Variants in MRPL42 observed in about 807,000 individuals in gnomAD.
MRPL42 encodes the protein mitochondrial ribosomal protein L42, also known as large ribosomal subunit protein mL42.
A neutral mutation model predicts 17.9 loss-of-function variants in MRPL42; 17 were observed. The ratio of observed to expected loss-of-function variants is 0.95; its 90% CI spans 0.65 to 1.42. The LOEUF is 1.42. Ranked by LOEUF, MRPL42 falls within the 40% of genes most tolerant of loss-of-function variation. MRPL42 has a pLI of 0.00. For missense variants in MRPL42, 177 were observed against 175.2 expected, an observed-to-expected ratio of 1.01 and a Z score of -0.06; for synonymous variants, 59 against 54.4, an observed-to-expected ratio of 1.08 and a Z score of -0.37.
intron 5 of MRPL42, among the ~76,000 whole-genome samples, chr12:93,492,269 T>G (rs1953429739): frequency 6.6e-6 from 1 of 152,212 alleles, no homozygotes. Flanking sequence ...CTTTGCAGCC[T>G]TGCCAACATT....
rs1470030100 is a variant in MRPL42 at position 93,479,548 on chromosome 12, G to T, written c.219+76G>T. On this transcript the variant is annotated intron_variant, in intron 4 of 5. Coordinates refer to ENST00000549982, the MANE Select transcript of MRPL42 (RefSeq NM_014050.4). ...TGCACTTCTTTATAGTATCCAAAAA[G>T]AAGGGAGTCATCTGATTTTCTTTGT... The T allele has an allele frequency of 8.7e-6, 7 of 807,392 alleles. No individual in the cohort carries two copies. In the East Asian group the frequency reaches 2.0e-4, roughly 23 times the overall value. 50.0% of individuals were successfully genotyped at this position (807,392 alleles called of 1,614,324 possible).
chr12:93,483,166 A>T (rs1453773215), intron 4 of MRPL42, among the ~76,000 whole-genome samples: 1 of 152,180 alleles, frequency 6.6e-6, no homozygotes, highest in Non-Finnish European at 1.5e-5. Context: ...AAGTGCTGGG[A>T]TTACCAGGCA....
intron 4 of MRPL42, among the ~76,000 whole-genome samples, chr12:93,486,672 A>G (rs10859499): frequency 0.67 from 101,935 of 151,954 alleles, 34,414 homozygotes; most frequent in Middle Eastern, 0.73. Context: ...GTTTTTAATT[A>G]TTTCTCATCT....
Position 93,501,450 on chromosome 12 carries a change from C to G in MRPL42, c.*229C>G. 1 of 304,602 alleles carries G rather than the reference C, an allele frequency of 3.3e-6. No homozygotes were observed. The highest frequency in any genetic ancestry group is 5.9e-6 in the Non-Finnish European group (1 of 168,312). The allele number at this position is 304,602 out of a possible 1,614,324, so 18.9% of individuals were successfully genotyped here. ...TTAGTGTTTCATTTATGTGCGGTCT[C>G]CAATTTAGGACTTTTCCATAGTGCC... On this transcript the variant is annotated 3_prime_UTR_variant, in exon 6 of 6. Transcript: ENST00000549982.
rs764105234 is a variant in MRPL42, at chr12:93,491,896, G to C, written c.383+4236G>C. Among the ~76,000 whole-genome samples, 112 of 152,156 alleles carry C rather than the reference G, an allele frequency of 7.4e-4. 4 individuals carry two copies. Among genetic ancestry groups the C allele is most frequent in the Non-Finnish European group, 3.1e-4 (21 of 68,038 alleles). ...TGGTTTTCTGTTTCTGTGTTAATTCGCTTAGGATAATGGCTTCCAGCTGCA... is the reference window on the plus strand; with the variant it reads ...TGGTTTTCTGTTTCTGTGTTAATTCCCTTAGGATAATGGCTTCCAGCTGCA... On this transcript the variant is annotated intron_variant, in intron 5 of 5. Coordinates refer to ENST00000549982, the MANE Select transcript of MRPL42 (RefSeq NM_014050.4).
chr12:93,475,844 C>T (rs1224612573), intron 2 of MRPL42, among the ~76,000 whole-genome samples: 3 of 151,690 alleles, frequency 2.0e-5, no homozygotes, highest in Admixed American at 6.6e-5. Context: ...ATTAGCCAGG[C>T]GTGGTGGGGG....
intron 4 of MRPL42, among the ~76,000 whole-genome samples, chr12:93,484,999 T>TACACACACATATATATATAC (rs1565813832): frequency 1.4e-5 from 1 of 69,404 alleles, no homozygotes; most frequent in African/African-American, 7.1e-5. Flanking sequence ...TATATATATA[T>TACACACACATATATATATAC]ATATATATAT....
chr12:93,470,432 C>T, intron 2 of MRPL42: 1 of 1,233,968 alleles, frequency 8.1e-7, no homozygotes, highest in Non-Finnish European at 1.0e-6. Context: ...AGTAGGTTTG[C>T]CTTTTTATAT....
chr12:93,470,212 A>G (rs1037754944), intron 2 of MRPL42, among the ~76,000 whole-genome samples: 1 of 152,200 alleles, frequency 6.6e-6, no homozygotes. Context: ...AAAGAACTGT[A>G]TATAGTTAGT....
rs2121293137 is a variant in MRPL42 at position 93,505,303 on chromosome 12, G to A, written c.*4082G>A. 1 of 152,260 alleles carries A rather than the reference G, an allele frequency of 6.6e-6. No individual in the cohort carries two copies. The highest frequency in any genetic ancestry group is 1.9e-4 in the East Asian group (1 of 5,188). 9.4% of individuals were successfully genotyped at this position (152,260 alleles called of 1,614,324 possible). On this transcript the variant is annotated 3_prime_UTR_variant, in exon 6 of 6. Coordinates refer to ENST00000549982, the MANE Select transcript of MRPL42 (RefSeq NM_014050.4). ...ATATAATGTGCCATCATTTTGGATGGTTCTGGGCACTTCAGGTAAACCCTT... is the reference window on the plus strand; with the variant it reads ...ATATAATGTGCCATCATTTTGGATGATTCTGGGCACTTCAGGTAAACCCTT...
Position 93,476,972 on chromosome 12 carries a change from T to C in MRPL42, c.89T>C (p.Val30Ala). ...TTTGCAGATGGAGCTTTATATTGTG[T>C]TTGTCATAAATCTACGTATTCTCCT... ...FPVQNGALYC[V>A]CHKSTYSPLP... The change falls in exon 3 of 6, where the codon GTT becomes GCT. Residue 30 changes from valine (V) to alanine (A), a missense_variant. Transcript: ENST00000549982. The C allele has an allele frequency of 2.5e-6, 4 of 1,609,714 alleles. No individual in the cohort carries two copies. The highest frequency in any genetic ancestry group is 3.4e-6 in the Non-Finnish European group (4 of 1,177,094).
rs778467168 is a variant in MRPL42 at position 93,487,665 on chromosome 12, GTTTTC to G, written c.383+18_383+22del. ...CCGTTGGTATCCTCATGGACGGTAA[GTTTTC>G]TTTTCTTTTCTTCAATCCCTACTAC... On this transcript the variant is annotated splice_donor_region_variant and intron_variant, in intron 5 of 5. Transcript: ENST00000549982. The G allele has an allele frequency of 1.8e-5, 29 of 1,594,896 alleles. No homozygotes were observed. In the African/African-American group the frequency reaches 2.0e-4, roughly 11 times the overall value.
intron 1 of MRPL42, among the ~76,000 whole-genome samples, chr12:93,468,194 A>G (rs1336616172): frequency 1.3e-5 from 2 of 152,168 alleles, no homozygotes; most frequent in East Asian, 1.9e-4. Flanking sequence ...TAAAAAGCAC[A>G]CCTATGAGCT....
intron 1 of MRPL42, among the ~76,000 whole-genome samples, chr12:93,468,589 G>A (rs1479583543): frequency 6.6e-6 from 1 of 152,180 alleles, no homozygotes; most frequent in Non-Finnish European, 1.5e-5. Flanking sequence ...AAAATGAAAT[G>A]GTGGTGAAAG....
chr12:93,488,600 C>T (rs1441681966), intron 5 of MRPL42: 1 of 267,874 alleles, frequency 3.7e-6, no homozygotes, highest in African/African-American at 2.2e-5. Flanking sequence ...TTATCAATTT[C>T]TTTATCATAT....
chr12:93,470,391 A>G, intron 2 of MRPL42: 1 of 1,092,514 alleles, frequency 9.2e-7, no homozygotes. Flanking sequence ...GAAGCTTTCC[A>G]TTTCTAAAGT....
rs142013553 is a variant in MRPL42 at position 93,481,399 on chromosome 12, C to T, written c.219+1927C>T. ...GGGAAGGTATCTCTGTAGCTCTTCACTGTCAAATCTAGATCATTTCTCTTC... is the reference window on the plus strand; with the variant it reads ...GGGAAGGTATCTCTGTAGCTCTTCATTGTCAAATCTAGATCATTTCTCTTC... On this transcript the variant is annotated intron_variant, in intron 4 of 5. Coordinates refer to ENST00000549982, the MANE Select transcript of MRPL42 (RefSeq NM_014050.4). Among the ~76,000 whole-genome samples, 7 of 152,352 alleles carry T rather than the reference C, an allele frequency of 4.6e-5. No individual in the cohort carries two copies. The East Asian group carries it at 1.2e-3, about 25-fold the overall frequency.
At chr12:93,473,958 A>G (rs1033686400) in intron 2 of MRPL42, among the ~76,000 whole-genome samples, 1 of 152,164 alleles carries the variant, frequency 6.6e-6, no homozygotes, top group East Asian at 1.9e-4. Flanking sequence ...TAGGGGACAC[A>G]GTAATGAACA....
At chr12:93,472,636 A>C (rs1879966428) in intron 2 of MRPL42, among the ~76,000 whole-genome samples, 1 of 152,210 alleles carries the variant, frequency 6.6e-6, no homozygotes, top group African/African-American at 2.4e-5. Context: ...ATGTTTAATA[A>C]AAAAGGGAAG....
Sources: gnomAD v4.1 joint callset for allele counts (sites outside exome capture counted in the v4.1 genomes callset) on GRCh38, gnomAD v4.1.1 for gene constraint, MANE v1.5 for transcripts, NCBI Gene and HGNC (gene_info 2026-07-23, HGNC 2026-07-21) for gene names.